The following STARD10 variants were observed in gnomAD, a reference collection of about 807,000 sequenced individuals.
The protein encoded by STARD10 is START domain-containing protein 10.
A neutral mutation model predicts 36.0 loss-of-function variants in STARD10; 24 were observed. The ratio of observed to expected loss-of-function variants is 0.67; its 90% CI spans 0.48 to 0.94. The LOEUF (loss-of-function observed/expected upper bound fraction) is 0.94. STARD10 is among the 40% of genes least tolerant of loss of function. STARD10 has a pLI of 0.00. For synonymous variants in STARD10, 156 were observed against 161.9 expected (o/e 0.96, Z 0.28); for missense variants, 335 against 396.6 (o/e 0.84, Z 1.32).
rs909473746 is a variant in STARD10, at chr11:72,754,730, G to A, written c.*167C>T. On this transcript the variant is annotated 3_prime_UTR_variant, in exon 7 of 7. Coordinates refer to ENST00000334805, the MANE Select transcript of STARD10 (RefSeq NM_006645.3). ...AAGCAGGCACAGTGATGAGCCGGCT[G>A]AGGCTGTGGGATCGTTTATTGGGGC... 4.7e-6 allele frequency: 5 copies of A among 1,070,206 alleles called. No individual in the cohort carries two copies. The African/African-American group carries it at 6.3e-5, about 14-fold the overall frequency. 66.3% of individuals were successfully genotyped at this position (1,070,206 alleles called of 1,614,324 possible).
intron 2 of STARD10, chr11:72,780,763 G>C: frequency 1.7e-6 from 1 of 594,864 alleles, no homozygotes; most frequent in Non-Finnish European, 3.0e-6. Flanking sequence ...AGAGAGGCAG[G>C]GTGAGTCACT....
Position 72,792,869 on chromosome 11 carries a change from A to G in STARD10, c.-114+6T>C. 1 of 152,830 alleles carries G rather than the reference A, an allele frequency of 6.5e-6. No individual in the cohort carries two copies. Among genetic ancestry groups the G allele is most frequent in the Non-Finnish European group, 1.5e-5 (1 of 68,498 alleles). 9.5% of individuals were successfully genotyped at this position (152,830 alleles called of 1,614,324 possible). The stretch of plus-strand genomic sequence containing the variant: ...CTGGGTTCTTTCCCTTACTTGGGCC[A>G]CTGACCTGAGAAGCAGGGTCTGTAC... On this transcript the variant is annotated splice_donor_region_variant and intron_variant, in intron 1 of 6. Transcript: ENST00000334805.
intron 2 of STARD10, among the ~76,000 whole-genome samples, chr11:72,764,451 G>A (rs920462727): frequency 5.3e-5 from 8 of 152,270 alleles, no homozygotes; most frequent in Non-Finnish European, 7.3e-5. Flanking sequence ...GACTCTTGTG[G>A]AGGAAGGCCT....
chr11:72,769,107 G>C (rs908125997), intron 2 of STARD10, among the ~76,000 whole-genome samples: 3 of 152,180 alleles, frequency 2.0e-5, no homozygotes, highest in African/African-American at 7.2e-5. Flanking sequence ...GGGGGGTGGA[G>C]GCATGAGGCG....
chr11:72,762,403 A>AG (rs1175053819), intron 2 of STARD10, among the ~76,000 whole-genome samples: 3 of 152,114 alleles, frequency 2.0e-5, no homozygotes, highest in Non-Finnish European at 4.4e-5. Context: ...TATTGGCCCC[A>AG]TTATAGGATT....
chr11:72,783,149 G>T (rs886717897), intron 1 of STARD10, among the ~76,000 whole-genome samples: 2 of 152,176 alleles, frequency 1.3e-5, no homozygotes, highest in African/African-American at 4.8e-5. Context: ...AAATAGAGGT[G>T]TTTCTTCCTG....
chr11:72,780,965 GC>G lies in STARD10; in HGVS notation c.207+9del. 6.2e-7 allele frequency: 1 copy of G among 1,613,944 alleles called. No homozygotes were observed. ...GCAGTGGAGGCTGCAGGTATAGCGGGCAACCCTACCTTGATCTTGTGCAGCG... is the reference window on the plus strand; with the variant it reads ...GCAGTGGAGGCTGCAGGTATAGCGGGAACCCTACCTTGATCTTGTGCAGCG... On this transcript the variant is annotated intron_variant, in intron 2 of 6. Coordinates refer to ENST00000334805, the MANE Select transcript of STARD10 (RefSeq NM_006645.3).
intron 2 of STARD10, among the ~76,000 whole-genome samples, chr11:72,770,961 T>C (rs1858846944): frequency 6.6e-6 from 1 of 152,238 alleles, no homozygotes; most frequent in African/African-American, 2.4e-5. Context: ...GACCTGTTCA[T>C]TCATTCATCC....
At chr11:72,771,613 C>CT (rs1858859218) in intron 2 of STARD10, among the ~76,000 whole-genome samples, 1 of 152,132 alleles carries the variant, frequency 6.6e-6, no homozygotes, top group Non-Finnish European at 1.5e-5. Context: ...CCGCCGCTCT[C>CT]CATGCAGGGC....
chr11:72,769,059 A>G (rs1858827157), intron 2 of STARD10, among the ~76,000 whole-genome samples: 1 of 152,098 alleles, frequency 6.6e-6, no homozygotes, highest in Non-Finnish European at 1.5e-5. Context: ...TACTATTACT[A>G]CTTCCGCCAT....
At position 72,757,889 on chromosome 11, in the gene STARD10, G is replaced by C. The variant is rs772922265; in HGVS notation, c.460-5C>G. 6 of 1,613,830 alleles carry C rather than the reference G, an allele frequency of 3.7e-6. No homozygotes were observed. In the African/African-American group the frequency reaches 8.0e-5, roughly 22 times the overall value. On this transcript the variant is annotated splice_polypyrimidine_tract_variant and splice_region_variant and intron_variant, in intron 4 of 6. Coordinates refer to ENST00000334805, the MANE Select transcript of STARD10 (RefSeq NM_006645.3). ...GTCTTTCCGAGGTGGGTATTTCTGGGGATGGAAGGCACAGGGAGGTGAGAC... is the reference window on the plus strand; with the variant it reads ...GTCTTTCCGAGGTGGGTATTTCTGGCGATGGAAGGCACAGGGAGGTGAGAC...
At chr11:72,757,205 C>A (rs1038450090) in intron 5 of STARD10, among the ~76,000 whole-genome samples, 1 of 151,444 alleles carries the variant, frequency 6.6e-6, no homozygotes, top group Non-Finnish European at 1.5e-5. Flanking sequence ...GGGAGTGACC[C>A]CAAATGATGG....
At chr11:72,770,431 T>C (rs1858840473) in intron 2 of STARD10, among the ~76,000 whole-genome samples, 1 of 152,202 alleles carries the variant, frequency 6.6e-6, no homozygotes, top group South Asian at 2.1e-4. Flanking sequence ...TTGGCCAGAA[T>C]GGTCTCAAAC....
intron 2 of STARD10, among the ~76,000 whole-genome samples, chr11:72,765,313 G>C (rs772260682): frequency 1.3e-5 from 2 of 152,112 alleles, no homozygotes; most frequent in Non-Finnish European, 2.9e-5. Flanking sequence ...GGGGGAGCAA[G>C]TGACACCAGA....
At chr11:72,770,210 C>A (rs996363929) in intron 2 of STARD10, among the ~76,000 whole-genome samples, 47 of 152,108 alleles carry the variant, frequency 3.1e-4, no homozygotes, top group African/African-American at 1.1e-3. Flanking sequence ...AGATAAAAAT[C>A]ACTTTTTTAA....
At chr11:72,757,922 G>T in intron 4 of STARD10, 38 bp from the exon 5 acceptor site, 1 of 1,582,698 alleles carries the variant, frequency 6.3e-7, no homozygotes, top group Non-Finnish European at 8.7e-7. Flanking sequence ...GACTCGGGGT[G>T]GGGGCAAAGA....
Position 72,758,560 on chromosome 11 carries a change from G to A in STARD10, c.429C>T (p.Tyr143=). Residue 143 remains tyrosine, a synonymous_variant, in exon 4 of 7, where the codon TAC becomes TAT. Transcript: ENST00000334805. The stretch of plus-strand genomic sequence containing the variant: ...GTTTGACTGAGTAGTTCATAATGAT[G>A]TAATCAGCGCCCATGGGGAGCCAGG... ...LRSWLPMGAD[Y]IIMNYSVKHP... is the part of the protein sequence containing the mutation. 6.2e-7 allele frequency: 1 copy of A among 1,614,042 alleles called. No homozygotes were observed. The highest frequency in any genetic ancestry group is 2.2e-5 in the East Asian group (1 of 44,884).
Position 72,755,058 on chromosome 11 carries a change from G to T in STARD10, c.715C>A (p.Pro239Thr), listed in dbSNP as rs1420916329. 6.2e-7 allele frequency: 1 copy of T among 1,613,248 alleles called. No homozygotes were observed. The highest frequency in any genetic ancestry group is 1.3e-5 in the African/African-American group (1 of 75,066). Reference protein sequence around the residue: ...HLPHFKPWLHPEQSPLPSLAL... With the variant: ...HLPHFKPWLHTEQSPLPSLAL... ...AGGCTCGGCAACGGGCTCTGCTCCGGGTGCAGCCACGGCTTGAAGTGAGGC... is the reference window on the plus strand; with the variant it reads ...AGGCTCGGCAACGGGCTCTGCTCCGTGTGCAGCCACGGCTTGAAGTGAGGC... The change falls in exon 7 of 7, where the codon CCG (proline) becomes ACG (threonine). Residue 239 changes from proline to threonine, a missense_variant. Transcript: ENST00000334805.
chr11:72,755,723 G>A lies in STARD10; in HGVS notation c.608C>T (p.Ser203Phe), dbSNP rs749898399. Residue 203 changes from serine (S) to phenylalanine (F), a missense_variant, in exon 6 of 7, where the codon TCT becomes TTT. Ser to Phe is a radical substitution (Grantham distance 155). Transcript: ENST00000334805. The stretch of plus-strand genomic sequence containing the variant: ...CACCTTGGGAGCCAGGAACTGAGAA[G>A]ATTTATTCACCACCCACTTGGGTAA... ...GSLPKWVVNK[S>F]SQFLAPKAMK... 5 of 1,613,708 alleles carry A rather than the reference G, an allele frequency of 3.1e-6. No individual in the cohort carries two copies. Among genetic ancestry groups the A allele is most frequent in the Admixed American group, 1.7e-5 (1 of 59,974 alleles).
Sources: gnomAD v4.1 joint callset for allele counts (sites outside exome capture counted in the v4.1 genomes callset) on GRCh38, gnomAD v4.1.1 for gene constraint, MANE v1.5 for transcripts, NCBI Gene and HGNC (gene_info 2026-07-23, HGNC 2026-07-21) for gene names.